Variants in ZNF790 observed in about 807,000 individuals in gnomAD.
ZNF790 encodes the protein zinc finger protein 790.
Under a neutral mutation model 12.1 loss-of-function variants are expected in ZNF790, and 8 were observed. The observed-to-expected ratio is 0.66, with a 90% CI of 0.39 to 1.19. The LOEUF is 1.19. ZNF790 is among the 50% of genes most tolerant of loss of function. The pLI, the probability that ZNF790 is intolerant of heterozygous loss-of-function variation, is 0.01. For missense variants in ZNF790, 707 were observed against 752.2 expected, an observed-to-expected ratio of 0.94 and a Z score of 0.70; for synonymous variants, 252 against 244.3, an observed-to-expected ratio of 1.03 and a Z score of -0.29.
At chr19:36,828,490 T>G (rs1193080260) in intron 1 of ZNF790, among the ~76,000 whole-genome samples, 1 of 151,600 alleles carries the variant, frequency 6.6e-6, no homozygotes, top group Non-Finnish European at 1.5e-5. Flanking sequence ...AAAAAAAAAT[T>G]TTTAGGGACA....
At position 36,819,181 on chromosome 19, in the gene ZNF790, T is replaced by C; in HGVS notation, c.1163A>G (p.His388Arg). 6.2e-7 allele frequency: 1 copy of C among 1,614,132 alleles called. No individual in the cohort carries two copies. Among genetic ancestry groups the C allele is most frequent in the Non-Finnish European group, 8.5e-7 (1 of 1,180,008 alleles). Residue 388 changes from histidine (H) to arginine (R), a missense_variant, in exon 5 of 5, where the codon CAT becomes CGT. His to Arg is a conservative substitution (Grantham distance 29, BLOSUM62 0). Transcript: ENST00000356725. ...GSNLAQHQNVHVGRKPYKCEK... is the reference protein window; with the variant it reads ...GSNLAQHQNVRVGRKPYKCEK... The stretch of plus-strand genomic sequence containing the variant: ...ACATTTATAAGGTTTCCTACCAACA[T>C]GAACATTCTGATGTTGAGCAAGATT...
chr19:36,820,460 T>A (rs886409002), intron 4 of ZNF790, among the ~76,000 whole-genome samples: 7 of 152,130 alleles, frequency 4.6e-5, no homozygotes. Context: ...ATTCAGAGCT[T>A]AAAAATAGGA....
intron 4 of ZNF790, among the ~76,000 whole-genome samples, chr19:36,821,919 G>A (rs1034650213): frequency 9.9e-5 from 15 of 151,048 alleles, no homozygotes; most frequent in Non-Finnish European, 1.8e-4. Flanking sequence ...TGTTCTTCTC[G>A]TTGTACTTCA....
At chr19:36,825,148 ACCTCCC>A (rs2071769983) in intron 2 of ZNF790, among the ~76,000 whole-genome samples, 1 of 152,142 alleles carries the variant, frequency 6.6e-6, no homozygotes, top group Admixed American at 6.5e-5. Context: ...TTTGAACTCA[ACCTCCC>A]ATCATATCTG....
At chr19:36,841,013 G>A (rs540533006), upstream of ZNF790, among the ~76,000 whole-genome samples, 1 of 152,132 alleles carries the variant, frequency 6.6e-6, no homozygotes, top group African/African-American at 2.4e-5. Flanking sequence ...ATATGATGTA[G>A]ATGTTGGAAC....
upstream of ZNF790, among the ~76,000 whole-genome samples, chr19:36,842,529 T>C (rs970795521): frequency 6.6e-6 from 1 of 152,046 alleles, no homozygotes; most frequent in Admixed American, 6.6e-5. Context: ...TTTAAAAAGG[T>C]ATTCACCTTC....
At chr19:36,838,758 A>G (rs2072101419), upstream of ZNF790, among the ~76,000 whole-genome samples, 1 of 152,206 alleles carries the variant, frequency 6.6e-6, no homozygotes, top group Admixed American at 6.5e-5. The surrounding 1 kb of genome is among the most constrained non-coding windows in gnomAD (Gnocchi z 4.4). Flanking sequence ...CACTGCAGAA[A>G]TGCCCCGGGG....
intron 2 of ZNF790, 42 bp from the exon 3 acceptor site, chr19:36,823,832 TA>T (rs1275517621): frequency 6.4e-7 from 1 of 1,556,268 alleles, no homozygotes; most frequent in East Asian, 2.3e-5. Context: ...GTGAAATTTT[TA>T]AAAATAATTA....
rs1306582132 is a variant in ZNF790, at chr19:36,817,450, T to C, written c.*983A>G. ...AGCTTTCTTCATTGTATTTTACTGA[T>C]TTTTTTTCAGAATTAACATTCTGAT... On this transcript the variant is annotated 3_prime_UTR_variant, in exon 5 of 5. Transcript: ENST00000356725. The C allele has an allele frequency of 2.0e-5, 3 of 151,946 alleles. No individual in the cohort carries two copies. Among genetic ancestry groups the C allele is most frequent in the African/African-American group, 4.8e-5 (2 of 41,352 alleles). The allele number at this position is 151,946 out of a possible 1,614,324, so 9.4% of individuals were successfully genotyped here. A position where few individuals can be genotyped will look rare whatever the true frequency, so the allele number is the denominator to read the frequency against.
At chr19:36,833,840 T>G (rs1205968747) in intron 1 of ZNF790, among the ~76,000 whole-genome samples, 2 of 152,148 alleles carry the variant, frequency 1.3e-5, no homozygotes, top group African/African-American at 4.8e-5. Flanking sequence ...CAGAATATCT[T>G]CATACCTTGG....
At chr19:36,821,895 C>T (rs1368493921) in intron 4 of ZNF790, among the ~76,000 whole-genome samples, 3 of 152,146 alleles carry the variant, frequency 2.0e-5, no homozygotes, top group African/African-American at 7.2e-5. Context: ...CTGGGCTTGT[C>T]TTTTATGACA....
intron 1 of ZNF790, among the ~76,000 whole-genome samples, chr19:36,826,355 C>T (rs766177667): frequency 2.4e-4 from 36 of 151,886 alleles, no homozygotes; most frequent in East Asian, 5.8e-4. Flanking sequence ...GGAGGCGAGG[C>T]GGGCAGATCA....
Position 36,823,833 on chromosome 19 carries a change from A to T in ZNF790, c.10-43T>A, listed in dbSNP as rs755392036. 5 of 1,558,006 alleles carry T rather than the reference A, an allele frequency of 3.2e-6. No individual in the cohort carries two copies. The African/African-American group carries it at 6.9e-5, about 22-fold the overall frequency. ...TCCAAGTATTAATGGTGAAATTTTT[A>T]AAAATAATTATAATCCCTATAGATG... is the stretch of plus-strand genomic sequence containing the variant. On this transcript the variant is annotated intron_variant, in intron 2 of 4. Coordinates refer to ENST00000356725, the MANE Select transcript of ZNF790 (RefSeq NM_206894.4).
chr19:36,842,920 G>A (rs374031750), upstream of ZNF790, among the ~76,000 whole-genome samples: 13 of 149,004 alleles, frequency 8.7e-5, no homozygotes, highest in African/African-American at 3.0e-4. Flanking sequence ...CAGGAGAATC[G>A]CTTGAACCCA....
intron 1 of ZNF790, among the ~76,000 whole-genome samples, chr19:36,846,497 G>A (rs917208798): frequency 3.3e-5 from 5 of 152,156 alleles, no homozygotes; most frequent in African/African-American, 1.2e-4. Context: ...CCGGGAAGCG[G>A]AGGTTGCAGT....
At chr19:36,828,789 T>C (rs1430072786) in intron 1 of ZNF790, among the ~76,000 whole-genome samples, 1 of 152,176 alleles carries the variant, frequency 6.6e-6, no homozygotes, top group Non-Finnish European at 1.5e-5. Flanking sequence ...AAAAACTAAT[T>C]CTAATCCTGA....
At chr19:36,837,380 C>G (rs1457935317) in intron 1 of ZNF790, among the ~76,000 whole-genome samples, 1 of 152,198 alleles carries the variant, frequency 6.6e-6, no homozygotes, top group East Asian at 1.9e-4. Context: ...CAGCTACAGC[C>G]TCTTACCAGT....
chr19:36,834,879 G>C (rs2072012764), intron 1 of ZNF790, among the ~76,000 whole-genome samples: 1 of 152,160 alleles, frequency 6.6e-6, no homozygotes, highest in Non-Finnish European at 1.5e-5. Context: ...ATAAGCAGAG[G>C]CCATGATCTT....
chr19:36,824,539 C>G (rs1894049373), intron 2 of ZNF790, among the ~76,000 whole-genome samples: 1 of 151,890 alleles, frequency 6.6e-6, no homozygotes, highest in South Asian at 2.1e-4. Flanking sequence ...AATTCCTGAC[C>G]TCAAGTGATC....
Sources: gnomAD v4.1 joint callset for allele counts (sites outside exome capture counted in the v4.1 genomes callset) on GRCh38, gnomAD v4.1.1 for gene constraint, Gnocchi (gnomAD v3.1) non-coding constraint, MANE v1.5 for transcripts, NCBI Gene and HGNC (gene_info 2026-07-23, HGNC 2026-07-21) for gene names.